HSD17B12: variants seen among roughly 807,000 people sequenced by gnomAD.
HSD17B12 encodes the protein very-long-chain 3-oxoacyl-CoA reductase.
A neutral mutation model predicts 39.3 loss-of-function variants in HSD17B12; 32 were observed. The ratio of observed to expected loss-of-function variants is 0.81; its 90% CI spans 0.61 to 1.09. The LOEUF (loss-of-function observed/expected upper bound fraction) is 1.09. Among genes scored for constraint, HSD17B12 ranks in the 50% least tolerant of loss-of-function variants. The pLI, the probability that HSD17B12 is intolerant of heterozygous loss-of-function variation, is 0.00. For synonymous variants in HSD17B12, 150 were observed against 146.7 expected (o/e 1.02, Z -0.16); for missense variants, 342 against 382.9 (o/e 0.89, Z 0.89).
the HSD17B12 span, among the ~76,000 whole-genome samples, chr11:43,614,737 C>A: frequency 6.6e-6 from 1 of 152,030 alleles, no homozygotes; most frequent in African/African-American, 2.4e-5. Context: ...AGTGTCCAAG[C>A]TGCTGTTAAA....
intron 9 of HSD17B12, among the ~76,000 whole-genome samples, chr11:43,847,325 G>T (rs182088387): frequency 1.3e-5 from 2 of 152,170 alleles, no homozygotes; most frequent in African/African-American, 4.8e-5. Context: ...ACTTTCAGCT[G>T]CCCTGAAAAT....
chr11:43,750,369 CAGT>C (rs1163450234), intron 1 of HSD17B12, among the ~76,000 whole-genome samples: 12 of 152,202 alleles, frequency 7.9e-5, no homozygotes, highest in Middle Eastern at 3.4e-3. Context: ...TTGCATATAT[CAGT>C]AGTTCTTTTT....
At chr11:43,781,730 A>G (rs1472319736) in intron 3 of HSD17B12, among the ~76,000 whole-genome samples, 2 of 152,180 alleles carry the variant, frequency 1.3e-5, no homozygotes, top group Non-Finnish European at 2.9e-5. Context: ...TACTGTCCAA[A>G]TCATTCCCCT....
At chr11:43,833,638 G>A (rs1276251850) in intron 7 of HSD17B12, 1 of 152,144 alleles carries the variant, frequency 6.6e-6, no homozygotes, top group Admixed American at 6.5e-5. Flanking sequence ...TTTCATTATA[G>A]CCTGCTCTTT....
At chr11:43,840,535 C>T (rs144550682) in intron 9 of HSD17B12, among the ~76,000 whole-genome samples, 236 of 152,228 alleles carry the variant, frequency 1.6e-3, no homozygotes, top group Non-Finnish European at 2.5e-3. Flanking sequence ...CAAACATGAA[C>T]TCCCCATTTC....
At chr11:43,759,320 T>G (rs1020996732) in intron 3 of HSD17B12, among the ~76,000 whole-genome samples, 1 of 152,100 alleles carries the variant, frequency 6.6e-6, no homozygotes, top group Non-Finnish European at 1.5e-5. Context: ...TAAGAAAAAT[T>G]TTGAATGGAT....
chr11:43,794,797 C>T (rs1465888028), intron 3 of HSD17B12, among the ~76,000 whole-genome samples: 1 of 152,192 alleles, frequency 6.6e-6, no homozygotes, highest in Non-Finnish European at 1.5e-5. Context: ...TTGCAACCTC[C>T]AAATCCAATT....
intron 1 of HSD17B12, among the ~76,000 whole-genome samples, chr11:43,744,897 G>A (rs1489947281): frequency 6.6e-6 from 1 of 152,202 alleles, no homozygotes; most frequent in Non-Finnish European, 1.5e-5. Flanking sequence ...CCTAAATGAG[G>A]TAAGGGAGCC....
At chr11:43,752,970 C>G (rs1423095132) in intron 2 of HSD17B12, among the ~76,000 whole-genome samples, 1 of 152,094 alleles carries the variant, frequency 6.6e-6, no homozygotes. Context: ...TAAACCCTGA[C>G]TTTAGGATTT....
chr11:43,840,425 C>T (rs940497949), intron 9 of HSD17B12, among the ~76,000 whole-genome samples: 2 of 152,130 alleles, frequency 1.3e-5, no homozygotes, highest in African/African-American at 2.4e-5. Flanking sequence ...TTTTAATATG[C>T]AGTTCAATGG....
the HSD17B12 span, among the ~76,000 whole-genome samples, chr11:43,597,921 C>T: frequency 6.6e-6 from 1 of 152,152 alleles, no homozygotes; most frequent in Non-Finnish European, 1.5e-5. Context: ...AGGCATCAGC[C>T]ACCGCGCCCA....
At chr11:43,579,607 T>G in the HSD17B12 span, 1 of 151,952 alleles carries the variant, frequency 6.6e-6, no homozygotes, top group Non-Finnish European at 1.5e-5. Flanking sequence ...AGCAGAACTT[T>G]TTTTTCCCAG....
chr11:43,571,299 G>A, the HSD17B12 span, among the ~76,000 whole-genome samples: 11 of 152,250 alleles, frequency 7.2e-5, no homozygotes, highest in African/African-American at 2.4e-4. Flanking sequence ...TTTTCTCTCT[G>A]TGGCCATGCT....
the HSD17B12 span, among the ~76,000 whole-genome samples, chr11:43,577,758 A>C: frequency 1.3e-5 from 2 of 152,216 alleles, no homozygotes; most frequent in Non-Finnish European, 2.9e-5. Flanking sequence ...GCCAAAGCAC[A>C]GGAGTTGCTG....
chr11:43,807,932 A>G (rs1951034341), intron 4 of HSD17B12, among the ~76,000 whole-genome samples: 1 of 152,170 alleles, frequency 6.6e-6, no homozygotes, highest in African/African-American at 2.4e-5. Flanking sequence ...CTACAACCCT[A>G]TAAGGTAGAT....
At chr11:43,757,005 A>G (rs1363038772) in intron 3 of HSD17B12, among the ~76,000 whole-genome samples, 1 of 152,208 alleles carries the variant, frequency 6.6e-6, no homozygotes, top group African/African-American at 2.4e-5. Context: ...TATGAATTTA[A>G]TAGGAGAGGT....
chr11:43,754,058 G>A lies in HSD17B12; in HGVS notation c.220G>A (p.Gly74Arg). The change falls in exon 3 of 11, where the codon GGA (glycine) becomes AGA (arginine). Residue 74 changes from glycine to arginine, a missense_variant. Physicochemically the swap from Gly to Arg is moderately radical, Grantham distance 125 (BLOSUM62 -2). Coordinates refer to ENST00000278353, the MANE Select transcript of HSD17B12 (RefSeq NM_016142.3). ...KSYAEELAKH[G>R]MKVVLISRSK... is the part of the protein sequence containing the mutation. ...TTTACTGTTTCAGTTAGCAAAGCAT[G>A]GAATGAAGGTTGTCCTTATCAGCAG... The A allele has an allele frequency of 6.2e-7, 1 of 1,611,116 alleles. No homozygotes were observed.
chr11:43,818,892 G>A (rs1002754807), intron 6 of HSD17B12, among the ~76,000 whole-genome samples: 1 of 152,094 alleles, frequency 6.6e-6, no homozygotes, highest in Non-Finnish European at 1.5e-5. Flanking sequence ...TTTTTAGCAA[G>A]CAAAGGTTTT....
chr11:43,619,010 A>G, the HSD17B12 span, among the ~76,000 whole-genome samples: 1 of 151,532 alleles, frequency 6.6e-6, no homozygotes, highest in Non-Finnish European at 1.5e-5. Flanking sequence ...CATAAGGAGC[A>G]AAGATGTGCA....
Sources: gnomAD v4.1 joint callset for allele counts (sites outside exome capture counted in the v4.1 genomes callset) on GRCh38, gnomAD v4.1.1 for gene constraint, MANE v1.5 for transcripts, NCBI Gene and HGNC (gene_info 2026-07-23, HGNC 2026-07-21) for gene names.